The following ERAP1 variants were observed in gnomAD, a reference collection of about 807,000 sequenced individuals.
ERAP1 encodes adipocyte-derived leucine aminopeptidase.
A neutral mutation model predicts 103.7 loss-of-function variants in ERAP1; 86 were observed. The observed-to-expected ratio is 0.83, with a 90% CI of 0.70 to 0.99. The LOEUF (loss-of-function observed/expected upper bound fraction) is 0.99. Ranked by LOEUF, ERAP1 falls within the 50% of genes least tolerant of loss-of-function variation. The probability of loss-of-function intolerance (pLI) is 0.00; values close to 1 mark genes in which losing one functional copy is unlikely to be tolerated. For synonymous variants in ERAP1, 398 were observed against 402.4 expected (o/e 0.99, Z 0.13); for missense variants, 1,009 against 1,128.4 (o/e 0.89, Z 1.52).
the ERAP1 span, among the ~76,000 whole-genome samples, chr5:96,847,810 AC>A: frequency 6.6e-6 from 1 of 152,238 alleles, no homozygotes; most frequent in Non-Finnish European, 1.5e-5. Context: ...AACTTATGTG[AC>A]AGCAAAAGCA....
chr5:96,931,971 T>C, the ERAP1 span, among the ~76,000 whole-genome samples: 1 of 152,238 alleles, frequency 6.6e-6, no homozygotes, highest in South Asian at 2.1e-4. Flanking sequence ...TTGTCTTTTG[T>C]AGCCCAAGGA....
the ERAP1 span, chr5:96,934,179 C>A: frequency 6.6e-6 from 1 of 152,230 alleles, no homozygotes; most frequent in African/African-American, 2.4e-5. Flanking sequence ...ACAAAGCTTG[C>A]ATTCTTGAGA....
At chr5:96,892,655 G>C in the ERAP1 span, among the ~76,000 whole-genome samples, 1 of 152,188 alleles carries the variant, frequency 6.6e-6, no homozygotes, top group Admixed American at 6.5e-5. Flanking sequence ...ATTACGAGAA[G>C]TAGCCATTAA....
chr5:96,909,077 T>C, the ERAP1 span: 2 of 1,614,172 alleles, frequency 1.2e-6, no homozygotes, highest in Non-Finnish European at 1.7e-6. Flanking sequence ...TACCACATGA[T>C]GGACAGAAGG....
chr5:96,816,976 T>C, the ERAP1 span, among the ~76,000 whole-genome samples: 1 of 152,220 alleles, frequency 6.6e-6, no homozygotes, highest in African/African-American at 2.4e-5. Context: ...TCGTGAGTTT[T>C]GGACTATACA....
chr5:96,888,564 A>G, the ERAP1 span, among the ~76,000 whole-genome samples: 2 of 152,230 alleles, frequency 1.3e-5, no homozygotes, highest in African/African-American at 4.8e-5. Flanking sequence ...TTTCTGCATA[A>G]AAGTTTTGAA....
In ERAP1 at chr5:96,774,547, T is replaced by C. The variant is rs1773650047; in HGVS notation, c.*1849A>G. The C allele has an allele frequency of 1.0e-6, 1 of 985,976 alleles. No homozygotes were observed. Among genetic ancestry groups the C allele is most frequent in the Non-Finnish European group, 1.2e-6 (1 of 829,858 alleles). The allele number at this position is 985,976 out of a possible 1,614,324, so 61.1% of individuals were successfully genotyped here. Reference sequence around the variant, plus strand: ...TCTGCACATTGTTGTGGCAATATTGTATCTGTTTAGAAAATGGGCTTTTCC... The same window carrying C: ...TCTGCACATTGTTGTGGCAATATTGCATCTGTTTAGAAAATGGGCTTTTCC... On this transcript the variant is annotated 3_prime_UTR_variant, in exon 19 of 19. Coordinates refer to ENST00000443439, the MANE Select transcript of ERAP1 (RefSeq NM_001040458.3).
the ERAP1 span, among the ~76,000 whole-genome samples, chr5:96,884,879 TG>T: frequency 9.2e-5 from 14 of 152,362 alleles, no homozygotes; most frequent in East Asian, 2.7e-3. Flanking sequence ...ACACACTCAC[TG>T]GTGACAATTG....
At chr5:96,765,209 T>G in intron 19 of ERAP1, 1 of 1,510,220 alleles carries the variant, frequency 6.6e-7, no homozygotes, top group South Asian at 1.2e-5. Context: ...TTCAGCATTA[T>G]TTACTTTTCA....
the ERAP1 span, among the ~76,000 whole-genome samples, chr5:96,910,547 A>G: frequency 6.6e-6 from 1 of 152,168 alleles, no homozygotes; most frequent in African/African-American, 2.4e-5. Context: ...CTAAAATGTA[A>G]ACATCCTACT....
In ERAP1 at chr5:96,786,848, C is replaced by T. The variant is rs892841088; in HGVS notation, c.1680-299G>A. The T allele has an allele frequency of 5.7e-5, 20 of 352,874 alleles. 1 individual carries two copies. The highest frequency in any genetic ancestry group is 3.8e-4 in the Admixed American group (9 of 23,542). The allele number at this position is 352,874 out of a possible 1,614,324, so 21.9% of individuals were successfully genotyped here. A position where few individuals can be genotyped will look rare whatever the true frequency, so the allele number is the denominator to read the frequency against. ...ATCTCAGAGGCCTAACTTCAGGACTCATGTGCCTCCTGAATAGTATATTAG... is the reference window on the plus strand; with the variant it reads ...ATCTCAGAGGCCTAACTTCAGGACTTATGTGCCTCCTGAATAGTATATTAG... On this transcript the variant is annotated intron_variant, in intron 11 of 18. Transcript: ENST00000443439.
At chr5:96,778,604 A>G (rs1774697306) in intron 18 of ERAP1, among the ~76,000 whole-genome samples, 1 of 152,202 alleles carries the variant, frequency 6.6e-6, no homozygotes, top group Non-Finnish European at 1.5e-5. Context: ...TCATGGACAC[A>G]TGGGAAGGAG....
downstream of ERAP1, chr5:96,771,649 A>C: frequency 6.2e-7 from 1 of 1,612,148 alleles, no homozygotes; most frequent in South Asian, 1.1e-5. Context: ...TTTAGACAAC[A>C]GAGGAAACTT....
At chr5:96,921,967 A>AT in the ERAP1 span, among the ~76,000 whole-genome samples, 3 of 152,180 alleles carry the variant, frequency 2.0e-5, no homozygotes, top group Non-Finnish European at 2.9e-5. Flanking sequence ...TACAAAGGAC[A>AT]TTTTTTTCTC....
the ERAP1 span, among the ~76,000 whole-genome samples, chr5:96,868,126 C>T: frequency 2.6e-5 from 4 of 152,082 alleles, no homozygotes; most frequent in African/African-American, 9.7e-5. Context: ...TCTCAGGCTA[C>T]CAACTTGAAG....
At chr5:96,800,672 G>A (rs1777881204) in intron 3 of ERAP1, among the ~76,000 whole-genome samples, 190 bp downstream of exon 3, 1 of 152,272 alleles carries the variant, frequency 6.6e-6, no homozygotes, top group Admixed American at 6.5e-5. Flanking sequence ...ATTTTTAGGT[G>A]CAATTTTTAC....
chr5:96,815,407 G>GTTTTTTTTTTTTTTTTTTTTTTTTT, the ERAP1 span, among the ~76,000 whole-genome samples: 4 of 105,456 alleles, frequency 3.8e-5, no homozygotes, highest in Non-Finnish European at 6.2e-5. Context: ...TGTTTGTTTT[G>GTTTTTTTTTTTTTTTTTTTTTTTTT]TTTTTTATTT....
chr5:96,790,488 A>G (rs1776610992), intron 9 of ERAP1, 24 bp downstream of exon 9: 1 of 1,613,478 alleles, frequency 6.2e-7, no homozygotes, highest in Non-Finnish European at 8.5e-7. Context: ...TCCCAAATGC[A>G]GAGATATTCA....
chr5:96,871,343 T>C, the ERAP1 span, among the ~76,000 whole-genome samples: 5 of 152,328 alleles, frequency 3.3e-5, no homozygotes, highest in African/African-American at 1.2e-4. Context: ...CTGTCTTTTG[T>C]TCATCTTTTT....
Sources: allele counts gnomAD v4.1 joint callset (sites outside exome capture counted in the v4.1 genomes callset), GRCh38; gene constraint gnomAD v4.1.1; transcripts MANE v1.5; gene names NCBI Gene and HGNC (gene_info 2026-07-23, HGNC 2026-07-21).